Variants in METTL9 observed in about 807,000 individuals in gnomAD.
The protein encoded by METTL9 is methyltransferase 9, His-X-His N1(pi)-histidine.
Under a neutral mutation model 36.0 loss-of-function variants are expected in METTL9, and 10 were observed. The ratio of observed to expected loss-of-function variants is 0.28; its 90% confidence interval spans 0.17 to 0.47. The LOEUF (loss-of-function observed/expected upper bound fraction) is 0.47, where lower values mean the gene tolerates loss of function less well. Ranked by LOEUF, METTL9 falls within the 20% of genes least tolerant of loss-of-function variation. The probability of loss-of-function intolerance (pLI) is 0.99; values close to 1 mark genes in which losing one functional copy is unlikely to be tolerated. For missense variants in METTL9, 246 were observed against 383.5 expected (o/e 0.64, Z 3.00); for synonymous variants, 175 against 149.7 (o/e 1.17, Z -1.23).
At chr16:21,618,627 A>G (rs886692369) in intron 3 of METTL9, among the ~76,000 whole-genome samples, 2 of 152,132 alleles carry the variant, frequency 1.3e-5, no homozygotes, top group African/African-American at 2.4e-5. Flanking sequence ...TATATACATT[A>G]GCTCCTTGTG....
chr16:21,623,762 T>C (rs894076865), intron 3 of METTL9, among the ~76,000 whole-genome samples: 2 of 152,010 alleles, frequency 1.3e-5, no homozygotes, highest in Non-Finnish European at 2.9e-5. Context: ...CTTTTCTGTA[T>C]AGTTTTTGTT....
intron 4 of METTL9, among the ~76,000 whole-genome samples, chr16:21,641,754 A>C (rs370810326): frequency 1.3e-5 from 2 of 152,102 alleles, no homozygotes; most frequent in Non-Finnish European, 2.9e-5. Context: ...ATCCGTATTT[A>C]GAGTAGGATG....
intron 3 of METTL9, among the ~76,000 whole-genome samples, chr16:21,620,236 G>T (rs1965661683): frequency 6.6e-6 from 1 of 152,172 alleles, no homozygotes. Context: ...TAAGGAAGGT[G>T]TGAGTTTGAA....
At chr16:21,600,001 C>T in intron 1 of METTL9, 103 bp downstream of exon 1, 1 of 992,434 alleles carries the variant, frequency 1.0e-6, no homozygotes, top group Non-Finnish European at 1.3e-6. Flanking sequence ...GCGGCCCGGC[C>T]CTCGCCCCTC....
At chr16:21,635,716 T>G (rs1966075836) in intron 4 of METTL9, among the ~76,000 whole-genome samples, 2 of 152,138 alleles carry the variant, frequency 1.3e-5, no homozygotes, top group South Asian at 4.1e-4. Flanking sequence ...TGGCTTAGGA[T>G]GCATTTCAAG....
At chr16:21,607,035 A>G (rs977320553) in intron 1 of METTL9, among the ~76,000 whole-genome samples, 1 of 152,132 alleles carries the variant, frequency 6.6e-6, no homozygotes, top group African/African-American at 2.4e-5. Context: ...TCATCAACCA[A>G]GGTTATATAT....
At chr16:21,648,303 C>A (rs1597788052) in intron 4 of METTL9, among the ~76,000 whole-genome samples, 2 of 152,298 alleles carry the variant, frequency 1.3e-5, no homozygotes, top group South Asian at 2.1e-4. Context: ...ATTATAATCT[C>A]AGTATCTCAG....
chr16:21,614,483 C>G (rs1329006618), intron 2 of METTL9, among the ~76,000 whole-genome samples: 1 of 152,114 alleles, frequency 6.6e-6, no homozygotes, highest in East Asian at 1.9e-4. Context: ...TTAATAAACC[C>G]CTTTTGGCTT....
intron 3 of METTL9, among the ~76,000 whole-genome samples, chr16:21,622,177 C>CTTTTTTT (rs1555490164): frequency 4.2e-4 from 14 of 33,278 alleles, no homozygotes; most frequent in African/African-American, 8.4e-4. Flanking sequence ...CAGGATCTTG[C>CTTTTTTT]TTTGTCGTCC....
chr16:21,627,331 G>C, intron 4 of METTL9: 1 of 985,182 alleles, frequency 1.0e-6, no homozygotes, highest in Non-Finnish European at 1.2e-6. Flanking sequence ...TAGGTGAAAT[G>C]ATTACTTAGG....
At chr16:21,632,193 G>A (rs1332519237) in intron 4 of METTL9, among the ~76,000 whole-genome samples, 1 of 152,206 alleles carries the variant, frequency 6.6e-6, no homozygotes, top group Admixed American at 6.5e-5. Context: ...GTTCCCCCCA[G>A]AGGTTAGGAA....
intron 4 of METTL9, chr16:21,646,605 C>T: frequency 5.0e-6 from 1 of 198,540 alleles, no homozygotes; most frequent in South Asian, 8.7e-5. Context: ...GAATAGAGCA[C>T]CCAGCAAATC....
chr16:21,611,495 A>G (rs1004103400), intron 1 of METTL9, among the ~76,000 whole-genome samples: 7 of 152,220 alleles, frequency 4.6e-5, no homozygotes, highest in African/African-American at 1.7e-4. Flanking sequence ...TAATGGGTTA[A>G]TAATAATTGA....
At chr16:21,612,063 A>G (rs1166803177) in intron 1 of METTL9, 2 of 152,174 alleles carry the variant, frequency 1.3e-5, no homozygotes, top group African/African-American at 2.4e-5. Context: ...AGCATACCTC[A>G]AGATTTCTAA....
Position 21,652,428 on chromosome 16 carries a change from T to C in METTL9, c.752-2799T>C, listed in dbSNP as rs1001735121. On this transcript the variant is annotated intron_variant, in intron 4 of 4. Coordinates refer to ENST00000358154, the MANE Select transcript of METTL9 (RefSeq NM_016025.5). ...CTCTTAGGCAGTTTTCATAATGTTATACATTTAAAAATTAATCTGAAGGAG... is the reference window on the plus strand; with the variant it reads ...CTCTTAGGCAGTTTTCATAATGTTACACATTTAAAAATTAATCTGAAGGAG... The C allele has an allele frequency of 8.2e-6, 7 of 849,006 alleles. No individual in the cohort carries two copies. In the African/African-American group the frequency reaches 1.0e-4, roughly 13 times the overall value. The allele number at this position is 849,006 out of a possible 1,614,324, so 52.6% of individuals were successfully genotyped here. A position where few individuals can be genotyped will look rare whatever the true frequency, so the allele number is the denominator to read the frequency against.
chr16:21,617,752 G>T (rs1439703450), intron 2 of METTL9, 113 bp from the exon 3 acceptor site: 2 of 939,886 alleles, frequency 2.1e-6, no homozygotes, highest in Non-Finnish European at 3.4e-6. Context: ...TCTTAACCAT[G>T]TAATAAGTGA....
intron 3 of METTL9, among the ~76,000 whole-genome samples, chr16:21,618,651 A>C (rs1795177868): frequency 6.6e-6 from 1 of 152,120 alleles, no homozygotes. Flanking sequence ...GGCTTATCGC[A>C]TGTAGCATAA....
chr16:21,648,803 GT>G, intron 4 of METTL9, among the ~76,000 whole-genome samples: 1 of 152,198 alleles, frequency 6.6e-6, no homozygotes, highest in Non-Finnish European at 1.5e-5. Flanking sequence ...ATTTGTGTGA[GT>G]TTGTCCTTTG....
At position 21,645,314 on chromosome 16, in the gene METTL9, G is replaced by A. The variant is rs150018175; in HGVS notation, c.752-9913G>A. 2.5e-4 allele frequency among the ~76,000 whole-genome samples: 38 copies of A among 152,240 alleles called. No individual in the cohort carries two copies. In the East Asian group the frequency reaches 7.3e-3, roughly 29 times the overall value. The stretch of plus-strand genomic sequence containing the variant: ...CTAAAAATACCAAAATTAGCTGGGC[G>A]TGGTCGCACATGCCTGTAATCCCAG... On this transcript the variant is annotated intron_variant, in intron 4 of 4. Coordinates refer to ENST00000358154, the MANE Select transcript of METTL9 (RefSeq NM_016025.5).
Sources: allele counts gnomAD v4.1 joint callset (sites outside exome capture counted in the v4.1 genomes callset), GRCh38; gene constraint gnomAD v4.1.1; transcripts MANE v1.5; gene names NCBI Gene and HGNC (gene_info 2026-07-23, HGNC 2026-07-21).